The following SACS variants were observed in gnomAD, a reference collection of about 807,000 sequenced individuals.
The protein encoded by SACS is sacsin.
SACS carries 197 observed loss-of-function variants against 348.0 expected under a neutral mutation model. The observed-to-expected ratio is 0.57, with a 90% CI of 0.50 to 0.64. SACS has a LOEUF of 0.64. SACS is among the 30% of genes least tolerant of loss of function. The pLI, the probability that SACS is intolerant of heterozygous loss-of-function variation, is 0.00. For synonymous variants in SACS, 1,985 were observed against 1,910.6 expected (o/e 1.04, Z -1.02); for missense variants, 4,999 against 5,360.8 (o/e 0.93, Z 2.11).
chr13:23,407,597 A>G (rs1252513218), intron 2 of SACS, among the ~76,000 whole-genome samples: 3 of 152,232 alleles, frequency 2.0e-5, no homozygotes, highest in Non-Finnish European at 4.4e-5. Context: ...CTGGTCCTTA[A>G]TGAACAAAAA....
At chr13:23,391,988 T>C (rs1872542811) in intron 2 of SACS, among the ~76,000 whole-genome samples, 1 of 152,088 alleles carries the variant, frequency 6.6e-6, no homozygotes, top group South Asian at 2.1e-4. Flanking sequence ...AGACTGCAAA[T>C]ACTCCAAGGA....
At chr13:23,399,693 A>G (rs1872872027) in intron 2 of SACS, among the ~76,000 whole-genome samples, 1 of 152,002 alleles carries the variant, frequency 6.6e-6, no homozygotes, top group African/African-American at 2.4e-5. Flanking sequence ...TGTGAGTGGC[A>G]CCCTTCTGCA....
chr13:23,408,307 C>T (rs961021022), intron 2 of SACS, among the ~76,000 whole-genome samples: 3 of 152,218 alleles, frequency 2.0e-5, no homozygotes, highest in East Asian at 3.9e-4. Flanking sequence ...AAATCTGGCC[C>T]ACCTCTGGAA....
intron 2 of SACS, among the ~76,000 whole-genome samples, chr13:23,379,576 C>T (rs974733542): frequency 3.9e-5 from 6 of 152,172 alleles, no homozygotes; most frequent in Non-Finnish European, 8.8e-5. Context: ...CCTCCCTCTC[C>T]TATGTGCCCT....
chr13:23,424,075 G>T (rs536249769), intron 1 of SACS, among the ~76,000 whole-genome samples: 1 of 152,146 alleles, frequency 6.6e-6, no homozygotes, highest in Non-Finnish European at 1.5e-5. Flanking sequence ...CATTTCAGAG[G>T]TTATTGGGTT....
In SACS at chr13:23,338,502, G is replaced by A. The variant is rs1337310754; in HGVS notation, c.5374C>T (p.Leu1792Phe). 7 of 1,614,160 alleles carry A rather than the reference G, an allele frequency of 4.3e-6. No homozygotes were observed. The highest frequency in any genetic ancestry group is 1.7e-5 in the Admixed American group (1 of 60,028). ...FRGPDDDPAA[L>F]FEMAKSGQSK... ...TGGCCAGACTTAGCCATTTCAAAGA[G>A]AGCAGCTGGGTCATCATCTGGACCT... The change falls in exon 10 of 10, where the codon CTC (leucine) becomes TTC (phenylalanine). Residue 1792 changes from leucine to phenylalanine, a missense_variant. Coordinates refer to ENST00000382292, the MANE Select transcript of SACS (RefSeq NM_014363.6).
intron 2 of SACS, among the ~76,000 whole-genome samples, chr13:23,391,542 C>T (rs185253681): frequency 6.9e-6 from 1 of 145,154 alleles, no homozygotes; most frequent in East Asian, 2.2e-4. Flanking sequence ...CACTGTCCTT[C>T]TCAGGGAGCT....
rs143439128 is a variant in SACS, at chr13:23,406,782, G to T, written c.20+4438C>A. The stretch of plus-strand genomic sequence containing the variant: ...TTTTTTGCATTTATGTAAATAATCA[G>T]GCCAAATCTAATGAAACCAGACATT... On this transcript the variant is annotated intron_variant, in intron 2 of 9. Coordinates refer to ENST00000382292, the MANE Select transcript of SACS (RefSeq NM_014363.6). 2.5e-3 allele frequency among the ~76,000 whole-genome samples: 373 copies of T among 152,218 alleles called. 2 individuals carry two copies. The highest frequency in any genetic ancestry group is 8.5e-3 in the African/African-American group (354 of 41,530).
At chr13:23,385,663 T>C (rs974824689) in intron 2 of SACS, among the ~76,000 whole-genome samples, 6 of 152,200 alleles carry the variant, frequency 3.9e-5, no homozygotes, top group African/African-American at 1.4e-4. Flanking sequence ...TGGCCAATCA[T>C]GGATGTTCTT....
chr13:23,336,353 C>A lies in SACS; in HGVS notation c.7523G>T (p.Arg2508Ile), dbSNP rs1868594220. The A allele has an allele frequency of 6.2e-7, 1 of 1,614,070 alleles. No homozygotes were observed. The highest frequency in any genetic ancestry group is 8.5e-7 in the Non-Finnish European group (1 of 1,179,948). ...TGTAAAACAGACATTGGATGCATAT[C>A]TTTCTAAGGCTTTGTGTCGCTTTGG... is the stretch of plus-strand genomic sequence containing the variant. ...AVPKRHKALE[R>I]YASNVCFTTL... The change falls in exon 10 of 10, where the codon AGA becomes ATA. Residue 2508 changes from arginine (R) to isoleucine (I), a missense_variant. This residue lies in a region of SACS where 3,156 missense variants were observed against 3,380.1 expected (regional missense o/e 0.93). Coordinates refer to ENST00000382292, the MANE Select transcript of SACS (RefSeq NM_014363.6).
rs746225800 is a variant in SACS, at chr13:23,408,738, G to C, written c.20+2482C>G. Among the ~76,000 whole-genome samples, 20 of 152,176 alleles carry C rather than the reference G, an allele frequency of 1.3e-4. No homozygotes were observed. In the Middle Eastern group the frequency reaches 0.014, roughly 104 times the overall value. On this transcript the variant is annotated intron_variant, in intron 2 of 9. Coordinates refer to ENST00000382292, the MANE Select transcript of SACS (RefSeq NM_014363.6). Reference sequence around the variant, plus strand: ...CCCAGCACTTCGGGAGGCCGAGGCGGGTGGATCACGAGGTCAGGAAATCGA... The same window carrying C: ...CCCAGCACTTCGGGAGGCCGAGGCGCGTGGATCACGAGGTCAGGAAATCGA...
intron 1 of SACS, among the ~76,000 whole-genome samples, chr13:23,425,719 G>A (rs79582303): frequency 0.013 from 1,964 of 152,180 alleles, 31 homozygotes; most frequent in Middle Eastern, 0.031. Flanking sequence ...AAGTTGCCCC[G>A]ACTGCTCTGC....
At chr13:23,351,925 T>C (rs1248627419) in intron 9 of SACS, among the ~76,000 whole-genome samples, 1 of 152,040 alleles carries the variant, frequency 6.6e-6, no homozygotes, top group African/African-American at 2.4e-5. Context: ...GTAGAGAAAA[T>C]GAAGACATAT....
chr13:23,393,789 C>T (rs9552941), intron 2 of SACS, among the ~76,000 whole-genome samples: 39,134 of 151,658 alleles, frequency 0.26, 5,757 homozygotes, highest in East Asian at 0.52. Flanking sequence ...GAGACGGAGT[C>T]TCGCACTGTC....
Position 23,341,648 on chromosome 13 carries a change from A to G in SACS, c.2228T>C (p.Phe743Ser). The G allele has an allele frequency of 1.2e-6, 2 of 1,613,444 alleles. No homozygotes were observed. The highest frequency in any genetic ancestry group is 8.5e-7 in the Non-Finnish European group (1 of 1,179,964). Residue 743 changes from phenylalanine (F) to serine (S), a missense_variant, in exon 10 of 10, where the codon TTT (phenylalanine) becomes TCT (serine). Physicochemically the swap from Phe to Ser is radical, Grantham distance 155 (BLOSUM62 -2). Coordinates refer to ENST00000382292, the MANE Select transcript of SACS (RefSeq NM_014363.6). Reference protein sequence around the residue: ...TQLQLLNPERFARLIKEVMNT... With the variant: ...TQLQLLNPERSARLIKEVMNT... ...CATTACTTCCTTGATAAGACGTGCA[A>G]ATCGTTCTGGATTTAGAAGCTGCAG... is the stretch of plus-strand genomic sequence containing the variant.
At chr13:23,343,335 C>T (rs1024090129) in intron 9 of SACS, among the ~76,000 whole-genome samples, 1 of 152,090 alleles carries the variant, frequency 6.6e-6, no homozygotes, top group African/African-American at 2.4e-5. Flanking sequence ...ATCTCAAATT[C>T]GATCTTGTAT....
At chr13:23,362,700 C>T (rs1870813992) in intron 6 of SACS, among the ~76,000 whole-genome samples, 1 of 151,152 alleles carries the variant, frequency 6.6e-6, no homozygotes, top group Non-Finnish European at 1.5e-5. Flanking sequence ...ATTCTCCTGC[C>T]TCAGCCTCCT....
At chr13:23,353,235 T>C (rs952139876) in intron 9 of SACS, among the ~76,000 whole-genome samples, 3 of 152,136 alleles carry the variant, frequency 2.0e-5, no homozygotes, top group African/African-American at 7.2e-5. Flanking sequence ...CCTGCCCCTG[T>C]TACAGAGTTA....
chr13:23,405,140 A>C (rs1873150580), intron 2 of SACS, among the ~76,000 whole-genome samples: 1 of 152,238 alleles, frequency 6.6e-6, no homozygotes, highest in Non-Finnish European at 1.5e-5. Flanking sequence ...TGGAGGCATC[A>C]CATTACCAGA....
Sources: allele counts gnomAD v4.1 joint callset (sites outside exome capture counted in the v4.1 genomes callset), GRCh38; gene constraint gnomAD v4.1.1; regional missense constraint gnomAD v4.1.1; transcripts MANE v1.5; gene names NCBI Gene and HGNC (gene_info 2026-07-23, HGNC 2026-07-21).